Variants in SAMD4A observed in about 807,000 individuals in gnomAD.
The protein encoded by SAMD4A is protein Smaug homolog 1.
Under a neutral mutation model 81.3 loss-of-function variants are expected in SAMD4A, and 33 were observed. The observed-to-expected ratio is 0.41, with a 90% confidence interval of 0.31 to 0.54. The LOEUF (loss-of-function observed/expected upper bound fraction) is 0.54. Ranked by LOEUF, SAMD4A falls within the 20% of genes least tolerant of loss-of-function variation. The pLI is 0.37. For missense variants in SAMD4A, 854 were observed against 951.1 expected, an observed-to-expected ratio of 0.90 and a Z score of 1.34; for synonymous variants, 389 against 382.1, an observed-to-expected ratio of 1.02 and a Z score of -0.21.
At chr14:54,657,521 A>AGAGG (rs1369707023) in intron 2 of SAMD4A, among the ~76,000 whole-genome samples, 1 of 152,184 alleles carries the variant, frequency 6.6e-6, no homozygotes, top group African/African-American at 2.4e-5. Context: ...TGAGAAGAGA[A>AGAGG]GAGGTAGTAG....
chr14:54,580,250 G>A (rs2033425201), intron 2 of SAMD4A, among the ~76,000 whole-genome samples: 1 of 152,126 alleles, frequency 6.6e-6, no homozygotes, highest in African/African-American at 2.4e-5. Flanking sequence ...ATGACTTCTT[G>A]TGCTGGAAAT....
chr14:54,614,334 C>A (rs2181984), intron 2 of SAMD4A, among the ~76,000 whole-genome samples: 111,725 of 152,060 alleles, frequency 0.73, 41,147 homozygotes, highest in East Asian at 0.85. Context: ...TAATATGGTT[C>A]ATCTCAGTTA....
intron 8 of SAMD4A, among the ~76,000 whole-genome samples, chr14:54,766,020 A>C (rs1480434649): frequency 6.6e-6 from 1 of 152,184 alleles, no homozygotes; most frequent in African/African-American, 2.4e-5. Flanking sequence ...GGGGGCTCAG[A>C]CACGCCATCC....
In SAMD4A at chr14:54,702,226, G is replaced by A. The variant is rs1227045080; in HGVS notation, c.361G>A (p.Glu121Lys). Residue 121 changes from glutamate to lysine, a missense_variant, in exon 3 of 13, where the codon GAG (glutamate) becomes AAG (lysine). Physicochemically the swap from Glu to Lys is moderately conservative, Grantham distance 56 (BLOSUM62 1). This residue lies in a region of SAMD4A where 387 missense variants were observed against 405.8 expected (regional missense o/e 0.95). Coordinates refer to ENST00000554335, the MANE Select transcript of SAMD4A (RefSeq NM_015589.6). ...TATTGAACACAACCAGCACATTGAG[G>A]AGAGCAGGCAGCTGCTGTCCTATGC... ...HSIEHNQHIE[E>K]SRQLLSYALI... 1.2e-6 allele frequency: 2 copies of A among 1,614,066 alleles called. No individual in the cohort carries two copies. The highest frequency in any genetic ancestry group is 3.3e-5 in the Admixed American group (2 of 59,994).
intron 2 of SAMD4A, among the ~76,000 whole-genome samples, chr14:54,638,609 C>T (rs2035093190): frequency 6.6e-6 from 1 of 152,146 alleles, no homozygotes; most frequent in African/African-American, 2.4e-5. Context: ...CAAGAATCAA[C>T]AAGGAACAAG....
intron 3 of SAMD4A, among the ~76,000 whole-genome samples, chr14:54,708,644 C>T (rs1044004038): frequency 3.3e-5 from 5 of 152,174 alleles, no homozygotes; most frequent in Admixed American, 3.3e-4. Flanking sequence ...TAAGGAGAAA[C>T]CCTTGAGGTT....
At chr14:54,739,610 G>A (rs2037795832) in intron 4 of SAMD4A, among the ~76,000 whole-genome samples, 1 of 152,078 alleles carries the variant, frequency 6.6e-6, no homozygotes, top group Non-Finnish European at 1.5e-5. Context: ...TAGCTGACAG[G>A]TCAGACAGAA....
intron 2 of SAMD4A, among the ~76,000 whole-genome samples, chr14:54,577,643 T>G (rs1338365045): frequency 6.6e-6 from 1 of 152,218 alleles, no homozygotes; most frequent in Non-Finnish European, 1.5e-5. Context: ...CCAAAGCCAC[T>G]AAACTCTGTA....
chr14:54,611,401 C>G (rs1041970661), intron 2 of SAMD4A, among the ~76,000 whole-genome samples: 2 of 152,214 alleles, frequency 1.3e-5, no homozygotes, highest in African/African-American at 4.8e-5. Flanking sequence ...TGGGCAGCTC[C>G]AGATCCCAGC....
chr14:54,583,569 G>C (rs2033534784), intron 2 of SAMD4A, among the ~76,000 whole-genome samples: 1 of 152,140 alleles, frequency 6.6e-6, no homozygotes, highest in Non-Finnish European at 1.5e-5. Context: ...TTCTCCCTTT[G>C]ATTGATCTTT....
chr14:54,565,530 C>G (rs1279050500), upstream of SAMD4A, among the ~76,000 whole-genome samples: 2 of 152,224 alleles, frequency 1.3e-5, no homozygotes, highest in Non-Finnish European at 2.9e-5. This position sits in a 1 kb window ranked among gnomAD's most constrained non-coding sequence, Gnocchi z 5.4. Context: ...TGCGCACTGC[C>G]CCTCAGCCTC....
intron 4 of SAMD4A, among the ~76,000 whole-genome samples, chr14:54,739,967 C>T (rs891221940): frequency 2.0e-5 from 3 of 152,170 alleles, no homozygotes; most frequent in Admixed American, 1.3e-4. Context: ...GTCAGGAATT[C>T]GAGACCAGCC....
chr14:54,779,891 C>T (rs890775523), intron 11 of SAMD4A, among the ~76,000 whole-genome samples: 3 of 152,080 alleles, frequency 2.0e-5, no homozygotes, highest in African/African-American at 4.8e-5. Context: ...ACAAGTGTGG[C>T]GCCTGTGCGA....
At chr14:54,739,691 C>T (rs1293544120) in intron 4 of SAMD4A, among the ~76,000 whole-genome samples, 1 of 152,128 alleles carries the variant, frequency 6.6e-6, no homozygotes. Context: ...TAGAAATGTC[C>T]CTCCCCAGCC....
intron 2 of SAMD4A, among the ~76,000 whole-genome samples, chr14:54,654,261 G>A (rs762238823): frequency 2.6e-5 from 4 of 152,182 alleles, no homozygotes; most frequent in Non-Finnish European, 4.4e-5. Flanking sequence ...CAGCATGTCA[G>A]CTTGGCCAGG....
At chr14:54,566,047 G>A (rs2032920721), upstream of SAMD4A, among the ~76,000 whole-genome samples, 1 of 152,012 alleles carries the variant, frequency 6.6e-6, no homozygotes, top group Non-Finnish European at 1.5e-5. Flanking sequence ...TCCCTGCCAA[G>A]CCCATGATGT....
intron 12 of SAMD4A, among the ~76,000 whole-genome samples, chr14:54,787,908 G>T (rs1291795692): frequency 6.6e-6 from 1 of 152,176 alleles, no homozygotes; most frequent in Non-Finnish European, 1.5e-5. Context: ...TTCATGGTAT[G>T]CAAGACCCTA....
At chr14:54,653,013 G>A (rs1022457368) in intron 2 of SAMD4A, among the ~76,000 whole-genome samples, 3 of 151,832 alleles carry the variant, frequency 2.0e-5, no homozygotes, top group Non-Finnish European at 4.4e-5. Flanking sequence ...TGAACCTCAC[G>A]TAGCCCTGTC....
chr14:54,583,373 A>C (rs1006285189), intron 2 of SAMD4A, among the ~76,000 whole-genome samples: 1 of 152,150 alleles, frequency 6.6e-6, no homozygotes, highest in African/African-American at 2.4e-5. Context: ...TGAGTCTGGC[A>C]ACCTTGTCCT....
Sources: gnomAD v4.1 joint callset for allele counts (sites outside exome capture counted in the v4.1 genomes callset) on GRCh38, gnomAD v4.1.1 for gene constraint, gnomAD v4.1.1 regional missense constraint, Gnocchi (gnomAD v3.1) non-coding constraint, MANE v1.5 for transcripts, NCBI Gene and HGNC (gene_info 2026-07-23, HGNC 2026-07-21) for gene names.